The following H2BC5 variants were observed in gnomAD, a reference collection of about 807,000 sequenced individuals.
The protein encoded by H2BC5 is H2B clustered histone 5.
A neutral mutation model predicts 5.7 loss-of-function variants in H2BC5; 9 were observed. The ratio of observed to expected loss-of-function variants is 1.57; its 90% CI spans 0.95 to 2.74. The LOEUF (loss-of-function observed/expected upper bound fraction) is 2.74, where lower values mean the gene tolerates loss of function less well. Among genes scored for constraint, H2BC5 ranks in the 30% most tolerant of loss-of-function variants. The pLI, the probability that H2BC5 is intolerant of heterozygous loss-of-function variation, is 0.00. For synonymous variants in H2BC5, 133 were observed against 70.9 expected (o/e 1.88, Z -4.40); for missense variants, 175 against 168.8 (o/e 1.04, Z -0.20).
At position 26,158,154 on chromosome 6, in the gene H2BC5, A is replaced by G. The variant is rs960258088; in HGVS notation, c.-16A>G. ...TCTCAGGTGTTTGCAACAGTGTTCT[A>G]ACTATTAACGCTACGATGCCTGAAC... On this transcript the variant is annotated 5_prime_UTR_variant, in exon 1 of 1. Transcript: ENST00000377777. 1.2e-6 allele frequency: 2 copies of G among 1,608,554 alleles called. No homozygotes were observed. Among genetic ancestry groups the G allele is most frequent in the Non-Finnish European group, 1.7e-6 (2 of 1,177,974 alleles).
chr6:26,162,032 G>T (rs962180853), downstream of H2BC5, among the ~76,000 whole-genome samples: 1 of 152,000 alleles, frequency 6.6e-6, no homozygotes, highest in Non-Finnish European at 1.5e-5. Context: ...ACAGAAAAAT[G>T]ATACAAAAAA....
At chr6:26,166,412 T>C (rs1217547037) in intron 1 of H2BC5, among the ~76,000 whole-genome samples, 2 of 152,172 alleles carry the variant, frequency 1.3e-5, no homozygotes, top group African/African-American at 4.8e-5. Context: ...GACCCCCTCC[T>C]CCTTCCCTTT....
chr6:26,159,098 C>A (rs1053927114), downstream of H2BC5, among the ~76,000 whole-genome samples: 3 of 152,060 alleles, frequency 2.0e-5, no homozygotes, highest in Admixed American at 2.0e-4. Context: ...TGTAATTGGG[C>A]CAGTTTCTGT....
chr6:26,162,736 G>A (rs750683146), downstream of H2BC5, among the ~76,000 whole-genome samples: 11 of 152,038 alleles, frequency 7.2e-5, no homozygotes, highest in Non-Finnish European at 1.2e-4. Context: ...ACAAGGTTTT[G>A]TTATGCTGGC....
chr6:26,164,211 C>A, intron 1 of H2BC5: 1 of 413,376 alleles, frequency 2.4e-6, no homozygotes, highest in East Asian at 6.5e-5. Flanking sequence ...AAGCAGTGCC[C>A]CTCTCAGTCT....
In H2BC5 at chr6:26,169,283, G is replaced by A. The variant is rs1306416665; in HGVS notation, c.*10-1692G>A. Reference sequence around the variant, plus strand: ...AAACTCCCTAGGCACTGGCTTGGGCGCTGCATATACACAGAGAGATATGGT... The same window carrying A: ...AAACTCCCTAGGCACTGGCTTGGGCACTGCATATACACAGAGAGATATGGT... On this transcript the variant is annotated intron_variant, in intron 1 of 1. Coordinates refer to the H2BC5 transcript ENST00000289316. 3.3e-5 allele frequency among the ~76,000 whole-genome samples: 5 copies of A among 152,146 alleles called. No individual in the cohort carries two copies. In the East Asian group the frequency reaches 7.7e-4, roughly 23 times the overall value.
At chr6:26,170,551 A>C (rs530017095) in intron 1 of H2BC5, among the ~76,000 whole-genome samples, 1 of 152,340 alleles carries the variant, frequency 6.6e-6, no homozygotes, top group African/African-American at 2.4e-5. Context: ...TTACTTCTTA[A>C]AGTTATTTTA....
At chr6:26,168,735 T>G (rs1210163899) in intron 1 of H2BC5, among the ~76,000 whole-genome samples, 1 of 152,126 alleles carries the variant, frequency 6.6e-6, no homozygotes, top group East Asian at 1.9e-4. Context: ...AATCCCCTCA[T>G]AATATCCTGA....
At chr6:26,164,665 C>CT (rs1360708367) in intron 1 of H2BC5, among the ~76,000 whole-genome samples, 2 of 151,670 alleles carry the variant, frequency 1.3e-5, no homozygotes, top group Non-Finnish European at 2.9e-5. Context: ...GCAGCCCTAC[C>CT]ATAGCTAGTA....
downstream of H2BC5, among the ~76,000 whole-genome samples, chr6:26,162,046 G>A (rs1328781632): frequency 6.6e-6 from 1 of 152,134 alleles, no homozygotes; most frequent in African/African-American, 2.4e-5. Flanking sequence ...CAAAAAAAGG[G>A]AGTCACTATG....
chr6:26,159,853 AAAGT>A (rs1764324263), downstream of H2BC5, among the ~76,000 whole-genome samples: 1 of 152,202 alleles, frequency 6.6e-6, no homozygotes, highest in Non-Finnish European at 1.5e-5. Context: ...TAAATTCTTA[AAAGT>A]AAGAAAGAGG....
intron 1 of H2BC5, among the ~76,000 whole-genome samples, chr6:26,166,089 G>A (rs1764418897): frequency 6.6e-6 from 1 of 152,174 alleles, no homozygotes; most frequent in Non-Finnish European, 1.5e-5. Flanking sequence ...AGAGGAGTTT[G>A]GTGGTCCTGT....
At chr6:26,163,464 G>A (rs2113835419), downstream of H2BC5, 1 of 152,210 alleles carries the variant, frequency 6.6e-6, no homozygotes, top group South Asian at 2.1e-4. Context: ...GGTGGTTATG[G>A]CTCCGGGTCT....
chr6:26,169,508 T>C (rs931639661), intron 1 of H2BC5, among the ~76,000 whole-genome samples: 3 of 152,172 alleles, frequency 2.0e-5, no homozygotes, highest in Non-Finnish European at 2.9e-5. Flanking sequence ...TTTTGAGTAA[T>C]AAAATATTGT....
downstream of H2BC5, among the ~76,000 whole-genome samples, chr6:26,160,197 G>A (rs1581433188): frequency 6.6e-6 from 1 of 152,112 alleles, no homozygotes; most frequent in African/African-American, 2.4e-5. Context: ...AAACACCCAA[G>A]CTGAGAATTT....
intron 1 of H2BC5, among the ~76,000 whole-genome samples, chr6:26,170,187 T>G (rs1764496981): frequency 6.6e-6 from 1 of 152,218 alleles, no homozygotes; most frequent in African/African-American, 2.4e-5. Context: ...GGCACCCTTC[T>G]ATCCTCATTC....
chr6:26,165,573 T>C (rs1764409227), intron 1 of H2BC5, among the ~76,000 whole-genome samples: 1 of 152,124 alleles, frequency 6.6e-6, no homozygotes, highest in Non-Finnish European at 1.5e-5. Flanking sequence ...GGCCTGCATC[T>C]GGAACATACT....
At chr6:26,166,843 G>A (rs1436800315) in intron 1 of H2BC5, among the ~76,000 whole-genome samples, 1 of 151,518 alleles carries the variant, frequency 6.6e-6, no homozygotes, top group Non-Finnish European at 1.5e-5. Context: ...TGGGACTACA[G>A]GCATGCACCA....
exon 2 of H2BC5, chr6:26,171,153 A>G (rs1764509181): frequency 6.6e-6 from 1 of 152,188 alleles, no homozygotes; most frequent in Non-Finnish European, 1.5e-5. Flanking sequence ...GAGGGGAAGG[A>G]ACTAAAGGTG....
Sources: allele counts gnomAD v4.1 joint callset (sites outside exome capture counted in the v4.1 genomes callset), GRCh38; gene constraint gnomAD v4.1.1; transcripts MANE v1.5; gene names NCBI Gene and HGNC (gene_info 2026-07-23, HGNC 2026-07-21).